Variants in CSRNP3 observed in about 807,000 individuals in gnomAD.
The protein encoded by CSRNP3 is cysteine and serine rich nuclear protein 3, also known as cysteine/serine-rich nuclear protein 3.
CSRNP3 carries 12 observed loss-of-function variants against 48.0 expected under a neutral mutation model. The ratio of observed to expected loss-of-function variants is 0.25; its 90% CI spans 0.16 to 0.41. The LOEUF is 0.41. CSRNP3 is among the 10% of genes least tolerant of loss of function. CSRNP3 has a pLI of 1.00. For missense variants in CSRNP3, 580 were observed against 724.4 expected, an observed-to-expected ratio of 0.80 and a Z score of 2.29; for synonymous variants, 263 against 269.7, an observed-to-expected ratio of 0.98 and a Z score of 0.24.
intron 3 of CSRNP3, among the ~76,000 whole-genome samples, chr2:165,560,725 C>T (rs1231069308): frequency 6.6e-6 from 1 of 152,188 alleles, no homozygotes; most frequent in East Asian, 1.9e-4. Context: ...ATCAGGTGTA[C>T]TCTCTAAAAG....
intron 2 of CSRNP3, among the ~76,000 whole-genome samples, chr2:165,517,569 T>C (rs1012361006): frequency 3.9e-5 from 6 of 151,928 alleles, no homozygotes; most frequent in Non-Finnish European, 7.4e-5. Context: ...GTAATGCTGG[T>C]TAATAAAATG....
intron 4 of CSRNP3, among the ~76,000 whole-genome samples, chr2:165,606,406 G>A (rs1479991735): frequency 6.8e-6 from 1 of 146,562 alleles, no homozygotes; most frequent in Non-Finnish European, 1.5e-5. Context: ...AACCTGAGCA[G>A]ATAATACACA....
chr2:165,590,996 CAGA>C (rs1156296343), intron 3 of CSRNP3, among the ~76,000 whole-genome samples: 1 of 151,998 alleles, frequency 6.6e-6, no homozygotes. Flanking sequence ...TTGGAGGGCT[CAGA>C]AGAAGATAGG....
chr2:165,559,975 A>G (rs765941193), intron 3 of CSRNP3, among the ~76,000 whole-genome samples: 3 of 151,370 alleles, frequency 2.0e-5, no homozygotes, highest in Admixed American at 1.3e-4. Context: ...AATTTTTTGC[A>G]TTTTTAGTAG....
chr2:165,657,656 A>G, intron 4 of CSRNP3, 105 bp from the exon 5 acceptor site: 1 of 1,379,686 alleles, frequency 7.2e-7, no homozygotes, highest in Non-Finnish European at 1.0e-6. Flanking sequence ...CCTAGCCAAC[A>G]AGGGTTGGCC....
intron 3 of CSRNP3, among the ~76,000 whole-genome samples, chr2:165,520,138 ATAGGTCTATC>A (rs1375836570): frequency 2.0e-5 from 3 of 152,230 alleles, no homozygotes; most frequent in African/African-American, 7.2e-5. Flanking sequence ...ATTAAAGGAC[ATAGGTCTATC>A]TATGTGCATT....
intron 4 of CSRNP3, among the ~76,000 whole-genome samples, chr2:165,641,058 C>G (rs1389507651): frequency 6.6e-6 from 1 of 152,142 alleles, no homozygotes; most frequent in Non-Finnish European, 1.5e-5. Flanking sequence ...CTCTTGTGTC[C>G]TAGTAGGTTT....
intron 3 of CSRNP3, among the ~76,000 whole-genome samples, chr2:165,594,539 C>T (rs1392859224): frequency 1.3e-5 from 2 of 152,124 alleles, no homozygotes; most frequent in African/African-American, 4.8e-5. Flanking sequence ...TGCATGTCAC[C>T]CATTGCAATA....
At chr2:165,481,066 C>A (rs781184574) in intron 1 of CSRNP3, among the ~76,000 whole-genome samples, 2 of 151,616 alleles carry the variant, frequency 1.3e-5, no homozygotes, top group Non-Finnish European at 2.9e-5. Flanking sequence ...AAAAATAAAC[C>A]AAACATGTCC....
rs1314281441 is a variant in CSRNP3, at chr2:165,688,601, A to G, written c.*8848A>G. 7.9e-5 allele frequency: 12 copies of G among 152,184 alleles called. 1 individual carries two copies. Among genetic ancestry groups the G allele is most frequent in the African/African-American group, 2.4e-4 (10 of 41,544 alleles). 9.4% of individuals were successfully genotyped at this position (152,184 alleles called of 1,614,324 possible). On this transcript the variant is annotated 3_prime_UTR_variant, in exon 7 of 7. Transcript: ENST00000651982. ...GACATCAACTATGTCTCACTTTCCA[A>G]CTGCCATAGAAATTTGGTACATTTG...
At chr2:165,541,234 T>A (rs1684953445) in intron 3 of CSRNP3, among the ~76,000 whole-genome samples, 1 of 151,794 alleles carries the variant, frequency 6.6e-6, no homozygotes, top group African/African-American at 2.4e-5. Flanking sequence ...TTTTTTTTTT[T>A]AGACAGTGAG....
intron 3 of CSRNP3, among the ~76,000 whole-genome samples, chr2:165,532,605 AC>A (rs1558927039): frequency 6.6e-6 from 1 of 151,316 alleles, no homozygotes; most frequent in African/African-American, 2.4e-5. Flanking sequence ...CCAATATCAT[AC>A]TGAATGGGCA....
chr2:165,522,485 G>A (rs1376331250), intron 3 of CSRNP3, among the ~76,000 whole-genome samples: 1 of 151,788 alleles, frequency 6.6e-6, no homozygotes, highest in Non-Finnish European at 1.5e-5. Context: ...AACATAAGTG[G>A]GAAAACAATG....
chr2:165,613,027 A>G (rs1277451994), intron 4 of CSRNP3, among the ~76,000 whole-genome samples: 1 of 152,130 alleles, frequency 6.6e-6, no homozygotes, highest in Non-Finnish European at 1.5e-5. Flanking sequence ...ACTAATTTAC[A>G]TTCTTACCAA....
At chr2:165,650,527 C>T (rs1485750903) in intron 4 of CSRNP3, among the ~76,000 whole-genome samples, 1 of 152,162 alleles carries the variant, frequency 6.6e-6, no homozygotes, top group Non-Finnish European at 1.5e-5. Context: ...ATTTACTATT[C>T]AATCTGTTAT....
intron 1 of CSRNP3, among the ~76,000 whole-genome samples, chr2:165,479,662 T>C (rs919331035): frequency 2.6e-5 from 4 of 151,996 alleles, no homozygotes; most frequent in African/African-American, 9.7e-5. Flanking sequence ...AGGCAGGAGG[T>C]TTGCTTGAGC....
At chr2:165,489,977 G>A (rs959135158) in intron 1 of CSRNP3, among the ~76,000 whole-genome samples, 3 of 151,970 alleles carry the variant, frequency 2.0e-5, no homozygotes, top group Non-Finnish European at 2.9e-5. Flanking sequence ...AAAATAAAAG[G>A]TATTCAATTA....
At chr2:165,498,035 T>C (rs1345689169) in intron 2 of CSRNP3, among the ~76,000 whole-genome samples, 2 of 152,088 alleles carry the variant, frequency 1.3e-5, no homozygotes, top group East Asian at 3.9e-4. Flanking sequence ...CTAAATGAAA[T>C]AGTGGGCCGA....
chr2:165,630,201 A>T lies in CSRNP3; in HGVS notation c.149-27560A>T, dbSNP rs192601567. On this transcript the variant is annotated intron_variant, in intron 4 of 6. Transcript: ENST00000651982. ...TTTGTCTCCTTTTCTGCCTGAAAAA[A>T]TAAATTCTGGCGTTCTTAGGAAACA... 8.7e-4 allele frequency among the ~76,000 whole-genome samples: 132 copies of T among 152,320 alleles called. 1 individual carries two copies. Among genetic ancestry groups the T allele is most frequent in the African/African-American group, 3.1e-3 (129 of 41,572 alleles).
Sources: gnomAD v4.1 joint callset for allele counts (sites outside exome capture counted in the v4.1 genomes callset) on GRCh38, gnomAD v4.1.1 for gene constraint, MANE v1.5 for transcripts, NCBI Gene and HGNC (gene_info 2026-07-23, HGNC 2026-07-21) for gene names.